Variants in DPP6 observed in about 807,000 individuals in gnomAD.
The protein encoded by DPP6 is dipeptidyl peptidase like 6, also known as A-type potassium channel modulatory protein DPP6.
Under a neutral mutation model 122.6 loss-of-function variants are expected in DPP6, and 69 were observed. The ratio of observed to expected loss-of-function variants is 0.56; its 90% CI spans 0.46 to 0.69. DPP6 has a LOEUF of 0.69. DPP6 is among the 30% of genes least tolerant of loss of function. The pLI, the probability that DPP6 is intolerant of heterozygous loss-of-function variation, is 0.00. For synonymous variants in DPP6, 418 were observed against 433.1 expected (o/e 0.97, Z 0.43); for missense variants, 928 against 1,116.9 (o/e 0.83, Z 2.41).
intron 1 of DPP6, among the ~76,000 whole-genome samples, chr7:154,093,157 T>C (rs1302149517): frequency 1.5e-5 from 2 of 134,714 alleles, no homozygotes; most frequent in Non-Finnish European, 3.3e-5. Context: ...TCATACATCA[T>C]ACACACCACA....
At chr7:154,311,506 A>AAAAAAG in intron 1 of DPP6, among the ~76,000 whole-genome samples, 1 of 152,048 alleles carries the variant, frequency 6.6e-6, no homozygotes, top group Non-Finnish European at 1.5e-5. Context: ...CCACAAAAAA[A>AAAAAAG]AAAAAGAAAA....
intron 6 of DPP6, among the ~76,000 whole-genome samples, chr7:154,656,802 G>A (rs112758881): frequency 0.029 from 4,261 of 148,142 alleles, 68 homozygotes; most frequent in Non-Finnish European, 0.039. Flanking sequence ...TGTGTGGGTG[G>A]AGAGGCTGCG....
rs1563648947 is a variant in DPP6, at chr7:154,425,630, GTGTGT to G, written c.244-20583_244-20579del. On this transcript the variant is annotated intron_variant, in intron 1 of 25. Transcript: ENST00000377770. ...TGTGTGTGTGTGTGTGGGTGTGTGT[GTGTGT>G]GTGTGTGTGTGTGTGTGTGTTTACT... is the stretch of plus-strand genomic sequence containing the variant. 3.2e-3 allele frequency among the ~76,000 whole-genome samples: 428 copies of G among 133,400 alleles called. 3 individuals carry two copies. Among genetic ancestry groups the G allele is most frequent in the Non-Finnish European group, 3.2e-3 (207 of 65,078 alleles). The allele number at this position is 133,400 out of a possible 152,430, so 87.5% of individuals were successfully genotyped here.
chr7:154,166,462 G>C (rs1414875142), intron 1 of DPP6, among the ~76,000 whole-genome samples: 1 of 151,996 alleles, frequency 6.6e-6, no homozygotes, highest in Non-Finnish European at 1.5e-5. Flanking sequence ...CGACAAAGAC[G>C]GGCACCTGGC....
At chr7:153,867,711 G>C in the DPP6 span, among the ~76,000 whole-genome samples, 5 of 152,116 alleles carry the variant, frequency 3.3e-5, no homozygotes, top group East Asian at 5.8e-4. Flanking sequence ...GTGAGAGAGG[G>C]CATCCCTGTC....
At chr7:154,497,695 A>G (rs1339676517) in intron 3 of DPP6, among the ~76,000 whole-genome samples, 4 of 152,182 alleles carry the variant, frequency 2.6e-5, no homozygotes, top group Admixed American at 2.0e-4. Context: ...ATAGTATCAA[A>G]TAAAAAATTT....
intron 1 of DPP6, among the ~76,000 whole-genome samples, chr7:154,387,061 A>T (rs1814179181): frequency 1.3e-5 from 2 of 152,276 alleles, no homozygotes; most frequent in South Asian, 4.1e-4. Context: ...CTGGAAGAGA[A>T]CATAGGCAAG....
chr7:154,646,418 C>A (rs760895590), intron 6 of DPP6, among the ~76,000 whole-genome samples: 9 of 152,140 alleles, frequency 5.9e-5, no homozygotes, highest in Non-Finnish European at 1.2e-4. Context: ...ACCACACGAG[C>A]CCCCTCCCAC....
intron 1 of DPP6, among the ~76,000 whole-genome samples, chr7:153,923,177 C>T (rs1313089498): frequency 6.6e-6 from 1 of 152,162 alleles, no homozygotes; most frequent in Admixed American, 6.5e-5. Context: ...ATTAAGCAGG[C>T]ACTGAACACC....
chr7:154,510,713 G>A (rs1031268322), intron 3 of DPP6, among the ~76,000 whole-genome samples: 4 of 150,438 alleles, frequency 2.7e-5, no homozygotes, highest in African/African-American at 7.3e-5. Context: ...AAAAAATAGT[G>A]TAAAGGGCAT....
chr7:154,179,795 G>C (rs1228218963), intron 1 of DPP6, among the ~76,000 whole-genome samples: 1 of 152,124 alleles, frequency 6.6e-6, no homozygotes, highest in Non-Finnish European at 1.5e-5. Context: ...GTTCTACTTT[G>C]TAAATGACAT....
intron 1 of DPP6, among the ~76,000 whole-genome samples, chr7:154,353,697 A>G (rs1045688432): frequency 6.6e-6 from 1 of 152,184 alleles, no homozygotes; most frequent in African/African-American, 2.4e-5. Context: ...CAAATCAACA[A>G]AAGACCTCCT....
Position 154,108,581 on chromosome 7 carries a change from C to T in DPP6, c.243+55518C>T, listed in dbSNP as rs555392058. Among the ~76,000 whole-genome samples, 961 of 152,242 alleles carry T rather than the reference C, an allele frequency of 6.3e-3. 18 individuals are homozygous for T. The highest frequency in any genetic ancestry group is 0.022 in the African/African-American group (930 of 41,508). On this transcript the variant is annotated intron_variant, in intron 1 of 25. Coordinates refer to ENST00000377770, the MANE Select transcript of DPP6 (RefSeq NM_130797.4). ...ATCACCTGTGAGGTAATGCCACAAACTTGTGAGCTGAACTTAATCAAGCTC... is the reference window on the plus strand; with the variant it reads ...ATCACCTGTGAGGTAATGCCACAAATTTGTGAGCTGAACTTAATCAAGCTC...
At chr7:154,170,372 CCCTCT>C (rs1386906217) in intron 1 of DPP6, among the ~76,000 whole-genome samples, 15 of 152,218 alleles carry the variant, frequency 9.9e-5, no homozygotes, top group African/African-American at 3.6e-4. Context: ...GTCCTAACTT[CCCTCT>C]CCACCTGCAC....
At chr7:153,899,015 T>G (rs1799526443) in intron 1 of DPP6, among the ~76,000 whole-genome samples, 1 of 152,220 alleles carries the variant, frequency 6.6e-6, no homozygotes, top group Non-Finnish European at 1.5e-5. Context: ...GCATTCGGCT[T>G]CCATTAGTGT....
At chr7:154,797,411 G>A (rs772738388) in intron 12 of DPP6, among the ~76,000 whole-genome samples, 125 of 152,050 alleles carry the variant, frequency 8.2e-4, no homozygotes, top group Non-Finnish European at 6.9e-4. Flanking sequence ...TACATATACT[G>A]GAATATTATT....
At chr7:154,291,288 C>T (rs550065796) in intron 1 of DPP6, among the ~76,000 whole-genome samples, 81 of 152,278 alleles carry the variant, frequency 5.3e-4, no homozygotes, top group African/African-American at 1.9e-3. Flanking sequence ...CCCCAAAATG[C>T]AGGCTCAGAT....
chr7:154,310,199 G>A (rs953912831), intron 1 of DPP6, among the ~76,000 whole-genome samples: 10 of 152,218 alleles, frequency 6.6e-5, no homozygotes, highest in African/African-American at 2.4e-4. Context: ...GCAGCATGGA[G>A]TCTTTGGGGA....
At chr7:154,713,067 G>A (rs1841284930) in intron 7 of DPP6, among the ~76,000 whole-genome samples, 1 of 152,204 alleles carries the variant, frequency 6.6e-6, no homozygotes, top group Non-Finnish European at 1.5e-5. Context: ...GCAGAAATTG[G>A]CCAAAACAAA....
Sources: gnomAD v4.1 joint callset for allele counts (sites outside exome capture counted in the v4.1 genomes callset) on GRCh38, gnomAD v4.1.1 for gene constraint, MANE v1.5 for transcripts, NCBI Gene and HGNC (gene_info 2026-07-23, HGNC 2026-07-21) for gene names.